Variants in CELF4 observed in about 807,000 individuals in gnomAD.
The protein encoded by CELF4 is CUG-BP- and ETR-3-like factor 4.
In CELF4, 18 loss-of-function variants were observed where a neutral mutation model predicts 59.9. The ratio of observed to expected loss-of-function variants is 0.30; its 90% CI spans 0.21 to 0.45. The LOEUF (loss-of-function observed/expected upper bound fraction) is 0.45, where lower values mean the gene tolerates loss of function less well. Ranked by LOEUF, CELF4 falls within the 20% of genes least tolerant of loss-of-function variation. The probability of loss-of-function intolerance (pLI) is 1.00; values close to 1 mark genes in which losing one functional copy is unlikely to be tolerated. For synonymous variants in CELF4, 261 were observed against 267.1 expected (o/e 0.98, Z 0.22); for missense variants, 456 against 689.0 (o/e 0.66, Z 3.79).
chr18:37,488,867 A>C (rs968499081), intron 1 of CELF4, among the ~76,000 whole-genome samples: 36 of 152,220 alleles, frequency 2.4e-4, no homozygotes, highest in African/African-American at 8.7e-4. Context: ...GCAGTGAGAG[A>C]AGCCCAGGAG....
intron 1 of CELF4, among the ~76,000 whole-genome samples, chr18:37,561,744 C>T (rs1230432643): frequency 6.6e-6 from 1 of 152,154 alleles, no homozygotes; most frequent in Non-Finnish European, 1.5e-5. Flanking sequence ...ACTGGGTGAC[C>T]TGTTCCCTTC....
intron 1 of CELF4, among the ~76,000 whole-genome samples, chr18:37,490,937 G>A (rs1032740928): frequency 5.3e-5 from 8 of 152,114 alleles, no homozygotes; most frequent in African/African-American, 1.9e-4. Flanking sequence ...AGCGCTTTCT[G>A]TCCCACCTCT....
intron 2 of CELF4, 91 bp downstream of exon 2, chr18:37,485,434 C>A: frequency 1.4e-6 from 1 of 715,060 alleles, no homozygotes; most frequent in South Asian, 6.2e-5. Flanking sequence ...GCCCTGCCGT[C>A]CTCTCCCCGC....
At chr18:37,251,410 C>A (rs2065387498) in intron 12 of CELF4, among the ~76,000 whole-genome samples, 1 of 152,118 alleles carries the variant, frequency 6.6e-6, no homozygotes, top group Admixed American at 6.5e-5. Flanking sequence ...AATAAACCTG[C>A]CTTCTCACTC....
chr18:37,421,470 G>T (rs2099577689), intron 2 of CELF4, among the ~76,000 whole-genome samples: 1 of 152,208 alleles, frequency 6.6e-6, no homozygotes, highest in South Asian at 2.1e-4. Context: ...ATGCATCTCT[G>T]CCTACAATGA....
chr18:37,564,964 C>G (rs1448053956), intron 1 of CELF4, among the ~76,000 whole-genome samples: 1 of 152,162 alleles, frequency 6.6e-6, no homozygotes, highest in East Asian at 1.9e-4. Flanking sequence ...ACAGCACCCT[C>G]GGTCCTCGGC....
intron 1 of CELF4, among the ~76,000 whole-genome samples, chr18:37,500,264 G>A (rs1390747805): frequency 6.6e-6 from 1 of 152,180 alleles, no homozygotes; most frequent in Non-Finnish European, 1.5e-5. Context: ...AGGCACAGGT[G>A]CAATGCTCAC....
chr18:37,517,074 G>A (rs1195792080), intron 1 of CELF4, among the ~76,000 whole-genome samples: 1 of 152,212 alleles, frequency 6.6e-6, no homozygotes, highest in African/African-American at 2.4e-5. Context: ...AGGGATGGGT[G>A]AGGCAACTGG....
At chr18:37,365,958 C>T (rs2098776015) in intron 2 of CELF4, among the ~76,000 whole-genome samples, 9 of 152,172 alleles carry the variant, frequency 5.9e-5, no homozygotes, top group Admixed American at 5.9e-4. Flanking sequence ...CCTATTGACC[C>T]TTTGTGTGAA....
chr18:37,460,666 C>G (rs1302535763), intron 2 of CELF4, among the ~76,000 whole-genome samples: 1 of 152,238 alleles, frequency 6.6e-6, no homozygotes, highest in African/African-American at 2.4e-5. Context: ...TAATGGCATA[C>G]AGATGCATGC....
intron 3 of CELF4, among the ~76,000 whole-genome samples, chr18:37,288,443 T>C (rs2095025445): frequency 6.6e-6 from 1 of 152,192 alleles, no homozygotes; most frequent in Admixed American, 6.5e-5. Flanking sequence ...CAAGCACAGC[T>C]CAGACCACTT....
intron 3 of CELF4, among the ~76,000 whole-genome samples, chr18:37,304,754 T>C (rs1186457845): frequency 6.6e-6 from 1 of 152,208 alleles, no homozygotes; most frequent in Non-Finnish European, 1.5e-5. Context: ...CCTGCCACTA[T>C]GGGCTTCCTT....
intron 2 of CELF4, among the ~76,000 whole-genome samples, chr18:37,414,924 C>T (rs553762815): frequency 6.6e-6 from 1 of 152,330 alleles, no homozygotes; most frequent in African/African-American, 2.4e-5. Flanking sequence ...CCCCACTCAT[C>T]CACCAGTGGA....
chr18:37,349,367 G>A (rs1431635098), intron 2 of CELF4, among the ~76,000 whole-genome samples: 1 of 152,222 alleles, frequency 6.6e-6, no homozygotes, highest in African/African-American at 2.4e-5. Flanking sequence ...AGGCCCTGGA[G>A]GGGCCTATCA....
intron 2 of CELF4, among the ~76,000 whole-genome samples, chr18:37,450,291 G>C (rs1380643862): frequency 1.3e-5 from 2 of 151,830 alleles, no homozygotes; most frequent in Non-Finnish European, 2.9e-5. Flanking sequence ...TCCCATTGTG[G>C]CTGGAAAAAA....
At chr18:37,471,014 G>C (rs573151686) in intron 2 of CELF4, among the ~76,000 whole-genome samples, 1 of 152,122 alleles carries the variant, frequency 6.6e-6, no homozygotes, top group Non-Finnish European at 1.5e-5. Flanking sequence ...AACCTCTCCA[G>C]CACTGCGTAG....
At chr18:37,423,064 G>GTGCACA (rs2099589071) in intron 2 of CELF4, among the ~76,000 whole-genome samples, 3 of 150,414 alleles carry the variant, frequency 2.0e-5, no homozygotes, top group Non-Finnish European at 4.4e-5. Flanking sequence ...GCGCGCGCGC[G>GTGCACA]CACACACACA....
At chr18:37,452,742 T>C (rs1169655151) in intron 2 of CELF4, among the ~76,000 whole-genome samples, 1 of 152,188 alleles carries the variant, frequency 6.6e-6, no homozygotes, top group Admixed American at 6.5e-5. Context: ...GTGTGAAATA[T>C]GAGTGCTTCT....
At chr18:37,396,545 G>C (rs772767916) in intron 2 of CELF4, among the ~76,000 whole-genome samples, 2 of 152,188 alleles carry the variant, frequency 1.3e-5, no homozygotes, top group Non-Finnish European at 2.9e-5. Flanking sequence ...GTGAGAGCAA[G>C]GTGTTTCCAT....
Sources: gnomAD v4.1 joint callset for allele counts (sites outside exome capture counted in the v4.1 genomes callset) on GRCh38, gnomAD v4.1.1 for gene constraint, MANE v1.5 for transcripts, NCBI Gene and HGNC (gene_info 2026-07-23, HGNC 2026-07-21) for gene names.